HUNK: variants seen among roughly 807,000 people sequenced by gnomAD.
HUNK encodes the protein hormonally up-regulated neu tumor-associated kinase.
Under a neutral mutation model 61.0 loss-of-function variants are expected in HUNK, and 21 were observed. That is an observed-to-expected ratio of 0.34 (90% confidence interval 0.24 to 0.50). The LOEUF (loss-of-function observed/expected upper bound fraction) is 0.50. HUNK is among the 20% of genes least tolerant of loss of function. The pLI is 0.98. For synonymous variants in HUNK, 371 were observed against 386.1 expected (o/e 0.96, Z 0.46); for missense variants, 772 against 945.7 (o/e 0.82, Z 2.41).
chr21:31,959,059 A>G lies in HUNK; in HGVS notation c.874+89A>G, dbSNP rs2052909946. 24 of 1,285,944 alleles carry G rather than the reference A, an allele frequency of 1.9e-5. No individual in the cohort carries two copies. In the South Asian group the frequency reaches 3.8e-4, roughly 20 times the overall value. 79.7% of individuals were successfully genotyped at this position (1,285,944 alleles called of 1,614,324 possible). The stretch of plus-strand genomic sequence containing the variant: ...TGTGAAACAGTATTTGTTTTGCAGT[A>G]ATGGTGTTATGTCTATCCCATGGTT... On this transcript the variant is annotated intron_variant, in intron 5 of 10. Transcript: ENST00000270112.
At chr21:31,945,343 G>A (rs1406215743) in intron 3 of HUNK, among the ~76,000 whole-genome samples, 1 of 152,008 alleles carries the variant, frequency 6.6e-6, no homozygotes, top group Non-Finnish European at 1.5e-5. Context: ...CCTCTTCCTG[G>A]GCATCTTAAT....
intron 1 of HUNK, among the ~76,000 whole-genome samples, chr21:31,889,129 A>G (rs537782722): frequency 2.0e-5 from 3 of 152,264 alleles, no homozygotes; most frequent in East Asian, 3.9e-4. Flanking sequence ...TCCTCGTTAA[A>G]CCATCCTCCT....
At chr21:31,929,208 A>G (rs898360169) in intron 2 of HUNK, among the ~76,000 whole-genome samples, 3 of 151,890 alleles carry the variant, frequency 2.0e-5, no homozygotes, top group Non-Finnish European at 4.4e-5. Flanking sequence ...CTATTTAAAC[A>G]TCATTTAAAA....
In HUNK at chr21:31,999,090, A is replaced by G. The variant is rs200203388; in HGVS notation, c.2051A>G (p.Asp684Gly). 6.2e-7 allele frequency: 1 copy of G among 1,614,208 alleles called. No individual in the cohort carries two copies. The highest frequency in any genetic ancestry group is 1.3e-5 in the African/African-American group (1 of 75,060). ...KRHQSLQPSA[D>G]RPLEASLPPL... ...CATCAGAGTCTGCAGCCATCTGCAG[A>G]TAGGCCCCTGGAGGCCAGCCTGCCC... The change falls in exon 11 of 11, where the codon GAT becomes GGT. Residue 684 changes from aspartate (D) to glycine (G), a missense_variant. Transcript: ENST00000270112.
At chr21:31,994,902 C>G (rs1369798519) in intron 9 of HUNK, among the ~76,000 whole-genome samples, 6 of 152,154 alleles carry the variant, frequency 3.9e-5, no homozygotes, top group African/African-American at 1.4e-4. Flanking sequence ...ATCTATAGTC[C>G]CAGCATTTTG....
intron 6 of HUNK, among the ~76,000 whole-genome samples, chr21:31,969,678 C>A (rs2052996874): frequency 6.6e-6 from 1 of 151,778 alleles, no homozygotes. Context: ...GGGAGTCTCC[C>A]ACCTCAGCCT....
At chr21:31,922,038 T>TG (rs1480920586) in intron 1 of HUNK, among the ~76,000 whole-genome samples, 1 of 152,116 alleles carries the variant, frequency 6.6e-6, no homozygotes, top group Non-Finnish European at 1.5e-5. Flanking sequence ...TTTTTTGAGA[T>TG]GGAGTTTTGT....
At chr21:31,925,397 A>G (rs1483300049) in intron 2 of HUNK, among the ~76,000 whole-genome samples, 1 of 152,240 alleles carries the variant, frequency 6.6e-6, no homozygotes, top group East Asian at 1.9e-4. Flanking sequence ...CCTAGTAGGT[A>G]TCAGGTAAGT....
At chr21:31,965,243 G>C (rs1347566438) in intron 5 of HUNK, among the ~76,000 whole-genome samples, 1 of 151,712 alleles carries the variant, frequency 6.6e-6, no homozygotes, top group African/African-American at 2.4e-5. Flanking sequence ...TGGGAGCTAA[G>C]TAATGAGAAC....
At chr21:31,963,837 G>A (rs958381846) in intron 5 of HUNK, among the ~76,000 whole-genome samples, 8 of 152,024 alleles carry the variant, frequency 5.3e-5, no homozygotes, top group South Asian at 2.1e-4. Flanking sequence ...TTAATTCTTC[G>A]GCTCTTTTTA....
At chr21:31,985,878 C>G (rs560116848) in intron 8 of HUNK, among the ~76,000 whole-genome samples, 2 of 152,222 alleles carry the variant, frequency 1.3e-5, no homozygotes, top group Non-Finnish European at 2.9e-5. Context: ...AACATGACCT[C>G]GATAGAAGGA....
Position 32,002,665 on chromosome 21 carries a change from T to C in HUNK, c.*3481T>C, listed in dbSNP as rs1324940325. ...TTGTCCTTGTAGGAGGCCTTGGTCA[T>C]GGATAGGGGAAGAGGGATGATGGGA... On this transcript the variant is annotated 3_prime_UTR_variant, in exon 11 of 11. Transcript: ENST00000270112. 1.3e-5 allele frequency: 2 copies of C among 152,186 alleles called. No individual in the cohort carries two copies. The highest frequency in any genetic ancestry group is 1.3e-4 in the Admixed American group (2 of 15,272). 9.4% of individuals were successfully genotyped at this position (152,186 alleles called of 1,614,324 possible). A position where few individuals can be genotyped will look rare whatever the true frequency, so the allele number is the denominator to read the frequency against.
At chr21:31,900,653 G>A (rs2052460035) in intron 1 of HUNK, among the ~76,000 whole-genome samples, 1 of 152,176 alleles carries the variant, frequency 6.6e-6, no homozygotes, top group East Asian at 1.9e-4. Flanking sequence ...ACAGAGCCCT[G>A]CGCGTGCAGT....
Position 31,873,647 on chromosome 21 carries a change from A to G in HUNK, c.-28A>G, listed in dbSNP as rs991928554. 2.3e-6 allele frequency: 2 copies of G among 877,984 alleles called. No homozygotes were observed. Among genetic ancestry groups the G allele is most frequent in the Non-Finnish European group, 2.5e-6 (2 of 786,242 alleles). The allele number at this position is 877,984 out of a possible 1,614,324, so 54.4% of individuals were successfully genotyped here. On this transcript the variant is annotated 5_prime_UTR_variant, in exon 1 of 11. Coordinates refer to ENST00000270112, the MANE Select transcript of HUNK (RefSeq NM_014586.2). This position sits in a 1 kb window ranked among gnomAD's most constrained non-coding sequence, Gnocchi z 6.1. Reference sequence around the variant, plus strand: ...GGAGCTGCGAGCGCGGGAGACGAGCAGGAGCCGCGCGGGCCGCGGCGAGCG... The same window carrying G: ...GGAGCTGCGAGCGCGGGAGACGAGCGGGAGCCGCGCGGGCCGCGGCGAGCG...
chr21:31,881,191 G>A (rs1256807231), intron 1 of HUNK, among the ~76,000 whole-genome samples: 13 of 152,220 alleles, frequency 8.5e-5, no homozygotes, highest in South Asian at 4.1e-4. Context: ...AAGAGACAGG[G>A]TCAGAGTCCA....
intron 8 of HUNK, among the ~76,000 whole-genome samples, chr21:31,984,407 C>G (rs1386859728): frequency 6.6e-6 from 1 of 151,906 alleles, no homozygotes; most frequent in Non-Finnish European, 1.5e-5. Context: ...AATGCAAATG[C>G]TAGAAAAAAA....
At chr21:31,893,408 C>T (rs2052404447) in intron 1 of HUNK, among the ~76,000 whole-genome samples, 1 of 152,176 alleles carries the variant, frequency 6.6e-6, no homozygotes, top group Non-Finnish European at 1.5e-5. Flanking sequence ...TTCGGAGCTG[C>T]TTCTTTGTTT....
intron 5 of HUNK, among the ~76,000 whole-genome samples, chr21:31,966,784 G>T (rs938458930): frequency 6.6e-6 from 1 of 152,192 alleles, no homozygotes; most frequent in African/African-American, 2.4e-5. Context: ...GAGAAGGATA[G>T]AAAAATCGGG....
intron 1 of HUNK, among the ~76,000 whole-genome samples, chr21:31,897,982 G>A (rs551527222): frequency 2.8e-4 from 42 of 152,296 alleles, no homozygotes; most frequent in Non-Finnish European, 4.7e-4. Flanking sequence ...CAGTTCTCTT[G>A]GAGAGAGAAA....
Sources: allele counts gnomAD v4.1 joint callset (sites outside exome capture counted in the v4.1 genomes callset), GRCh38; gene constraint gnomAD v4.1.1; non-coding constraint Gnocchi (gnomAD v3.1); transcripts MANE v1.5; gene names NCBI Gene and HGNC (gene_info 2026-07-23, HGNC 2026-07-21).